The following MUCL3 variants were observed in gnomAD, a reference collection of about 807,000 sequenced individuals.
MUCL3 encodes the protein mucin-like protein 3.
MUCL3 carries 42 observed loss-of-function variants against 70.2 expected under a neutral mutation model. The observed-to-expected ratio is 0.60, with a 90% confidence interval of 0.47 to 0.77. The LOEUF (loss-of-function observed/expected upper bound fraction) is 0.77. Ranked by LOEUF, MUCL3 falls within the 30% of genes least tolerant of loss-of-function variation. The pLI is 0.00. For missense variants in MUCL3, 1,429 were observed against 1,670.0 expected (o/e 0.86, Z 2.52); for synonymous variants, 522 against 647.0 (o/e 0.81, Z 2.93).
At chr6:30,952,879 G>C in intron 2 of MUCL3, 92 bp from the exon 3 acceptor site, 1 of 1,494,544 alleles carries the variant, frequency 6.7e-7, no homozygotes, top group Non-Finnish European at 9.0e-7. Context: ...GGTTTGGATG[G>C]AATCTTGAGA....
Position 30,950,846 on chromosome 6 carries a change from C to T in MUCL3, c.2382C>T (p.Thr794=). ...GKRTPFANEK[T]TSSSAEPTEH... ...GGACCCCATTTGCCAATGAGAAGAC[C>T]ACATCATCCTCAGCAGAGCCTACAG... Residue 794 remains threonine, a synonymous_variant, in exon 2 of 3, where the codon ACC becomes ACT. Coordinates refer to ENST00000462446, the MANE Select transcript of MUCL3 (RefSeq NM_080870.4). 6.5e-7 allele frequency: 1 copy of T among 1,549,406 alleles called. No individual in the cohort carries two copies. Among genetic ancestry groups the T allele is most frequent in the Non-Finnish European group, 8.7e-7 (1 of 1,146,690 alleles).
intron 2 of MUCL3, 68 bp from the exon 3 acceptor site, chr6:30,952,903 C>T: frequency 1.3e-6 from 2 of 1,570,212 alleles, no homozygotes; most frequent in Non-Finnish European, 1.7e-6. Context: ...GAATCAAGAC[C>T]TGAGGTGAGT....
chr6:30,950,079 G>C lies in MUCL3; in HGVS notation c.1615G>C (p.Glu539Gln), dbSNP rs1211211751. The C allele has an allele frequency of 1.3e-6, 2 of 1,550,294 alleles. No homozygotes were observed. The highest frequency in any genetic ancestry group is 2.8e-5 in the African/African-American group (2 of 72,364). The change falls in exon 2 of 3, where the codon GAG becomes CAG. Residue 539 changes from glutamate to glutamine, a missense_variant. By Grantham distance (29) the Glu-to-Gln change is conservative. Transcript: ENST00000462446. The stretch of plus-strand genomic sequence containing the variant: ...TGAGAACACCACACCATCCCCAGCA[G>C]AGCCTACAGAAAATAGAGAAAGGAC... The part of the protein sequence containing the change: ...ANENTTPSPA[E>Q]PTENRERTAN...
chr6:30,951,333 T>A lies in MUCL3; in HGVS notation c.2869T>A (p.Ser957Thr). 1 of 1,537,034 alleles carries A rather than the reference T, an allele frequency of 6.5e-7. No homozygotes were observed. ...GATAGCCAATGAGAAGGCCACACCA[T>A]CCCCAGCAAAGCCTACAGAACATGG... ...ERIANEKATP[S>T]PAKPTEHGET... The change falls in exon 2 of 3, where the codon TCC becomes ACC. Residue 957 changes from serine to threonine, a missense_variant. Physicochemically the swap from Ser to Thr is moderately conservative, Grantham distance 58 (BLOSUM62 1). Transcript: ENST00000462446.
intron 1 of MUCL3, among the ~76,000 whole-genome samples, chr6:30,945,673 G>A (rs958408011): frequency 3.3e-5 from 5 of 151,506 alleles, no homozygotes; most frequent in Non-Finnish European, 7.4e-5. Context: ...CAAAAACCCC[G>A]GCCGGATGCA....
In MUCL3 at chr6:30,953,229, ACGGTTAC is replaced by A; in HGVS notation, c.*114_*120del. 6.3e-6 allele frequency: 9 copies of A among 1,439,082 alleles called. No homozygotes were observed. The highest frequency in any genetic ancestry group is 8.3e-6 in the Non-Finnish European group (9 of 1,079,992). 89.1% of individuals were successfully genotyped at this position (1,439,082 alleles called of 1,614,324 possible). ...ACTACAGGAAGGGCAGAGAATACTG[ACGGTTAC>A]CAGTATTAACCCTTCATCTGTTCTT... On this transcript the variant is annotated 3_prime_UTR_variant, in exon 3 of 3. Coordinates refer to ENST00000462446, the MANE Select transcript of MUCL3 (RefSeq NM_080870.4).
intron 1 of MUCL3, among the ~76,000 whole-genome samples, chr6:30,942,713 G>T (rs1309264519): frequency 1.3e-5 from 2 of 152,216 alleles, no homozygotes; most frequent in Admixed American, 6.5e-5. Flanking sequence ...CTCTCAGGCG[G>T]ATTGTCCACT....
At chr6:30,941,531 C>A (rs1795578436) in intron 1 of MUCL3, among the ~76,000 whole-genome samples, 1 of 147,332 alleles carries the variant, frequency 6.8e-6, no homozygotes, top group South Asian at 2.1e-4. Context: ...ACAATCTTGG[C>A]TCACTGCAGC....
chr6:30,946,593 G>A (rs762830415), intron 1 of MUCL3, among the ~76,000 whole-genome samples: 1 of 152,194 alleles, frequency 6.6e-6, no homozygotes, highest in Non-Finnish European at 1.5e-5. Flanking sequence ...AAAACAGTAA[G>A]ATCACACTCC....
chr6:30,952,400 A>G lies in MUCL3; in HGVS notation c.3936A>G (p.Gly1312=), dbSNP rs1238049960. ...KDGSQKGIHA[G]QMGENDSFPA... The stretch of plus-strand genomic sequence containing the variant: ...GCTCACAGAAAGGTATCCACGCTGG[A>G]CAGATGGGAGAGAATGATTCATTCC... The change falls in exon 2 of 3, where the codon GGA becomes GGG. Residue 1312 remains glycine (G), a synonymous_variant. Coordinates refer to ENST00000462446, the MANE Select transcript of MUCL3 (RefSeq NM_080870.4). The G allele has an allele frequency of 1.2e-6, 2 of 1,614,086 alleles. No individual in the cohort carries two copies. The highest frequency in any genetic ancestry group is 1.7e-6 in the Non-Finnish European group (2 of 1,180,050).
chr6:30,950,161 C>T lies in MUCL3; in HGVS notation c.1697C>T (p.Thr566Ile). 1.3e-6 allele frequency: 2 copies of T among 1,548,296 alleles called. No individual in the cohort carries two copies. Among genetic ancestry groups the T allele is most frequent in the African/African-American group, 2.8e-5 (2 of 71,580 alleles). Residue 566 changes from threonine to isoleucine, a missense_variant, in exon 2 of 3, where the codon ACT (threonine) becomes ATT (isoleucine). Thr to Ile is a moderately conservative substitution (Grantham distance 89, BLOSUM62 -1). Coordinates refer to ENST00000462446, the MANE Select transcript of MUCL3 (RefSeq NM_080870.4). ...GAGCCTACAGAAAATGGAGACAGGA[C>T]TCCTTTGGCCAATGAGAAGACCACG... The part of the protein sequence containing the change: ...PAEPTENGDR[T>I]PLANEKTTPS...
chr6:30,942,689 T>C (rs1232014392), intron 1 of MUCL3, among the ~76,000 whole-genome samples: 1 of 152,180 alleles, frequency 6.6e-6, no homozygotes, highest in Non-Finnish European at 1.5e-5. Flanking sequence ...CTCTCCCGCC[T>C]TTCCTTCCCC....
chr6:30,944,781 T>C (rs949517578), intron 1 of MUCL3, among the ~76,000 whole-genome samples: 1 of 152,220 alleles, frequency 6.6e-6, no homozygotes, highest in African/African-American at 2.4e-5. Flanking sequence ...GCTATGATGG[T>C]TGTACGTGGA....
rs1159022119 is a variant in MUCL3, at chr6:30,950,195, A to C, written c.1731A>C (p.Leu577=). 1.3e-6 allele frequency: 2 copies of C among 1,550,076 alleles called. No homozygotes were observed. The highest frequency in any genetic ancestry group is 2.8e-5 in the African/African-American group (2 of 72,178). ...CCAATGAGAAGACCACGCCATCTCT[A>C]GCAGAGCCTACAGAAAATGGACAAA... ...PLANEKTTPS[L]AEPTENGQRT... Residue 577 remains leucine (L), a synonymous_variant, in exon 2 of 3, where the codon CTA becomes CTC. Coordinates refer to ENST00000462446, the MANE Select transcript of MUCL3 (RefSeq NM_080870.4).
chr6:30,953,910 C>A lies in MUCL3; in HGVS notation c.*793C>A, dbSNP rs1760837149. ...CTCACCCACTGATCTCCACCCCAGA[C>A]CTTCCCTGATTGGTGTCTCAGCATT... On this transcript the variant is annotated 3_prime_UTR_variant, in exon 3 of 3. Transcript: ENST00000462446. 6.6e-6 allele frequency: 1 copy of A among 152,282 alleles called. No individual in the cohort carries two copies. Among genetic ancestry groups the A allele is most frequent in the East Asian group, 1.9e-4 (1 of 5,200 alleles). 9.4% of individuals were successfully genotyped at this position (152,282 alleles called of 1,614,324 possible).
At chr6:30,948,097 T>C (rs1760393676) in intron 1 of MUCL3, among the ~76,000 whole-genome samples, 1 of 152,216 alleles carries the variant, frequency 6.6e-6, no homozygotes. Context: ...AAGGGGCACC[T>C]GCACAGTAAA....
chr6:30,952,959 T>G lies in MUCL3; in HGVS notation c.4036-12T>G. 1 of 1,613,482 alleles carries G rather than the reference T, an allele frequency of 6.2e-7. No individual in the cohort carries two copies. Among genetic ancestry groups the G allele is most frequent in the Non-Finnish European group, 8.5e-7 (1 of 1,179,748 alleles). On this transcript the variant is annotated splice_polypyrimidine_tract_variant and intron_variant, in intron 2 of 2. Coordinates refer to ENST00000462446, the MANE Select transcript of MUCL3 (RefSeq NM_080870.4). ...GATGGTTCTCATTCCTCCTTTCTCATCCCAATCACAGGTCTCCTATATGAT... is the reference window on the plus strand; with the variant it reads ...GATGGTTCTCATTCCTCCTTTCTCAGCCCAATCACAGGTCTCCTATATGAT...
Position 30,951,318 on chromosome 6 carries a change from G to A in MUCL3, c.2854G>A (p.Glu952Lys). The change falls in exon 2 of 3, where the codon GAG becomes AAG. Residue 952 changes from glutamate (E) to lysine (K), a missense_variant. Transcript: ENST00000462446. The part of the protein sequence containing the change: ...PTEHGERIAN[E>K]KATPSPAKPT... ...AGAACATGGAGAAAGGATAGCCAAT[G>A]AGAAGGCCACACCATCCCCAGCAAA... is the stretch of plus-strand genomic sequence containing the variant. The A allele has an allele frequency of 6.5e-7, 1 of 1,548,110 alleles. No homozygotes were observed. The highest frequency in any genetic ancestry group is 1.4e-5 in the African/African-American group (1 of 72,638).
intron 1 of MUCL3, among the ~76,000 whole-genome samples, chr6:30,944,725 C>T (rs1027672795): frequency 2.0e-5 from 3 of 152,254 alleles, no homozygotes; most frequent in African/African-American, 7.2e-5. Context: ...ATTTTCCTCT[C>T]TGCACCTCCT....
Sources: gnomAD v4.1 joint callset for allele counts (sites outside exome capture counted in the v4.1 genomes callset) on GRCh38, gnomAD v4.1.1 for gene constraint, MANE v1.5 for transcripts, NCBI Gene and HGNC (gene_info 2026-07-23, HGNC 2026-07-21) for gene names.